TTC28: variants seen among roughly 807,000 people sequenced by gnomAD.
TTC28 encodes the protein tetratricopeptide repeat domain 28.
TTC28 carries 61 observed loss-of-function variants against 198.0 expected under a neutral mutation model. The observed-to-expected ratio is 0.31, with a 90% confidence interval of 0.25 to 0.38. The LOEUF is 0.38. Among genes scored for constraint, TTC28 ranks in the 10% least tolerant of loss-of-function variants. TTC28 has a pLI of 1.00. For synonymous variants in TTC28, 1,171 were observed against 1,297.8 expected (o/e 0.90, Z 2.10); for missense variants, 2,678 against 3,164.0 (o/e 0.85, Z 3.69).
chr22:28,001,269 A>C (rs907528483), intron 15 of TTC28, 105 bp downstream of exon 15: 2 of 1,349,112 alleles, frequency 1.5e-6, no homozygotes, highest in African/African-American at 1.5e-5. Context: ...ACTTTTGAGG[A>C]GATCACAGCT....
intron 5 of TTC28, among the ~76,000 whole-genome samples, chr22:28,170,519 G>A (rs1023975583): frequency 6.6e-6 from 1 of 151,228 alleles, no homozygotes; most frequent in Non-Finnish European, 1.5e-5. Flanking sequence ...AAAGAAAATC[G>A]AAATTAATTA....
At chr22:28,145,087 T>G (rs135646) in intron 6 of TTC28, among the ~76,000 whole-genome samples, 142,925 of 152,216 alleles carry the variant, frequency 0.94, 67,184 homozygotes, top group African/African-American at 0.97. Flanking sequence ...TCTCCTTAAA[T>G]CTCTTGCCAC....
chr22:28,337,984 G>C (rs922092651), intron 2 of TTC28, among the ~76,000 whole-genome samples: 1 of 152,148 alleles, frequency 6.6e-6, no homozygotes, highest in African/African-American at 2.4e-5. Context: ...GGTACCGGTT[G>C]TTCCTTTCCA....
At chr22:28,047,435 G>A (rs1259608410) in intron 12 of TTC28, among the ~76,000 whole-genome samples, 1 of 152,172 alleles carries the variant, frequency 6.6e-6, no homozygotes, top group Non-Finnish European at 1.5e-5. Context: ...AAGTCACCTG[G>A]AGAGGCCATA....
chr22:28,466,820 T>TACACACACACACAC (rs58512456), intron 2 of TTC28, among the ~76,000 whole-genome samples: 40 of 143,896 alleles, frequency 2.8e-4, no homozygotes, highest in East Asian at 1.0e-3. Context: ...TATACATACA[T>TACACACACACACAC]ACACACACAC....
At chr22:28,339,826 C>A (rs1470461835) in intron 2 of TTC28, among the ~76,000 whole-genome samples, 5 of 152,110 alleles carry the variant, frequency 3.3e-5, no homozygotes, top group Non-Finnish European at 5.9e-5. Flanking sequence ...ATTCCCTGAC[C>A]CCTTGTGCTT....
rs1050320293 is a variant in TTC28, at chr22:28,098,968, A to G, written c.3494T>C (p.Phe1165Ser). The G allele has an allele frequency of 1.2e-5, 19 of 1,551,796 alleles. No individual in the cohort carries two copies. The highest frequency in any genetic ancestry group is 2.0e-5 in the Admixed American group (1 of 51,002). ...CTGGTAGGATGATGTCTGCAGGTCA[A>G]AGAGGGAGAGTTTGTAGTCCGTGCT... ...QLSTDYKLSL[F>S]DLQTSSYQAL... Residue 1165 changes from phenylalanine to serine, a missense_variant, in exon 10 of 23, where the codon TTT becomes TCT. Coordinates refer to ENST00000397906, the MANE Select transcript of TTC28 (RefSeq NM_001145418.2).
intron 12 of TTC28, among the ~76,000 whole-genome samples, chr22:28,047,684 A>G (rs1939923115): frequency 6.6e-6 from 1 of 152,120 alleles, no homozygotes; most frequent in Non-Finnish European, 1.5e-5. Flanking sequence ...GGCCTGTCCC[A>G]TTACTCTCAG....
At chr22:28,143,509 G>A (rs1383210803) in intron 6 of TTC28, among the ~76,000 whole-genome samples, 1 of 152,150 alleles carries the variant, frequency 6.6e-6, no homozygotes, top group Non-Finnish European at 1.5e-5. Flanking sequence ...GAGAAATAAT[G>A]AATGTGAGAA....
At chr22:28,048,396 T>C (rs1939949500) in intron 12 of TTC28, among the ~76,000 whole-genome samples, 1 of 151,932 alleles carries the variant, frequency 6.6e-6, no homozygotes, top group African/African-American at 2.4e-5. Context: ...GTGGGAGATG[T>C]GCCACCTAGT....
At position 28,487,893 on chromosome 22, in the gene TTC28, C is replaced by T. The variant is rs571812940; in HGVS notation, c.381+141659G>A. On this transcript the variant is annotated intron_variant, in intron 2 of 22. Coordinates refer to ENST00000397906, the MANE Select transcript of TTC28 (RefSeq NM_001145418.2). ...TTATTGCTATGGAGATTAAGTGAGA[C>T]CATGTAACCGAGTATCTTATATTCA... 8.5e-5 allele frequency among the ~76,000 whole-genome samples: 13 copies of T among 152,256 alleles called. 1 individual carries two copies. In the South Asian group the frequency reaches 2.7e-3, roughly 32 times the overall value.
At chr22:28,591,688 C>T (rs752536044) in intron 2 of TTC28, among the ~76,000 whole-genome samples, 16 of 152,148 alleles carry the variant, frequency 1.1e-4, no homozygotes, top group Non-Finnish European at 1.9e-4. Flanking sequence ...GTAGTAAAAC[C>T]TCAAAACCAT....
intron 1 of TTC28, among the ~76,000 whole-genome samples, chr22:28,636,703 C>T (rs1036003836): frequency 3.3e-5 from 5 of 151,792 alleles, no homozygotes; most frequent in Non-Finnish European, 7.4e-5. Flanking sequence ...GTATTTCGCT[C>T]ATTTTAAAAA....
intron 2 of TTC28, among the ~76,000 whole-genome samples, chr22:28,330,049 T>G (rs1185259609): frequency 6.6e-6 from 1 of 152,214 alleles, no homozygotes; most frequent in Non-Finnish European, 1.5e-5. Flanking sequence ...GGTGATGCAT[T>G]CCTATGAAAT....
At chr22:28,376,836 A>G (rs1912223369) in intron 2 of TTC28, among the ~76,000 whole-genome samples, 1 of 152,210 alleles carries the variant, frequency 6.6e-6, no homozygotes, top group African/African-American at 2.4e-5. Context: ...TGACGTCTTC[A>G]GCTGAGAACC....
chr22:28,218,631 T>A (rs750073238), intron 5 of TTC28, among the ~76,000 whole-genome samples: 14 of 152,212 alleles, frequency 9.2e-5, no homozygotes, highest in Non-Finnish European at 2.1e-4. Context: ...ACAAGCGCCT[T>A]TCTTTTAGAC....
intron 2 of TTC28, among the ~76,000 whole-genome samples, chr22:28,442,249 G>C (rs1363846209): frequency 2.6e-5 from 4 of 151,920 alleles, no homozygotes; most frequent in Admixed American, 6.5e-5. Flanking sequence ...ACAGACACAC[G>C]CCCGTGCACA....
chr22:28,133,659 G>A (rs1943116808), intron 6 of TTC28, among the ~76,000 whole-genome samples: 1 of 152,184 alleles, frequency 6.6e-6, no homozygotes, highest in Non-Finnish European at 1.5e-5. Context: ...AGCATGGCTA[G>A]GGGAGGGGCG....
Position 28,107,356 on chromosome 22 carries a change from GGATCCTTCAGCTTTTGCCCTA to G in TTC28, c.2468_2488del (p.Leu823_Asp829del). ...GCCATAGACCTGGGCTTCCAGACTC[GGATCCTTCAGCTTTTGCCCTA>G]GATCCAGTTGCTCTTCATAACACTT... On this transcript the variant is annotated inframe_deletion, in exon 7 of 23. Transcript: ENST00000397906. The G allele has an allele frequency of 6.4e-7, 1 of 1,551,836 alleles. No individual in the cohort carries two copies. The highest frequency in any genetic ancestry group is 8.7e-7 in the Non-Finnish European group (1 of 1,147,038).
Sources: allele counts gnomAD v4.1 joint callset (sites outside exome capture counted in the v4.1 genomes callset), GRCh38; gene constraint gnomAD v4.1.1; transcripts MANE v1.5; gene names NCBI Gene and HGNC (gene_info 2026-07-23, HGNC 2026-07-21).